Variants in TGFBR3 observed in about 807,000 individuals in gnomAD.
TGFBR3 encodes transforming growth factor beta receptor 3, also known as transforming growth factor beta receptor type 3.
A neutral mutation model predicts 87.9 loss-of-function variants in TGFBR3; 46 were observed. The ratio of observed to expected loss-of-function variants is 0.52; its 90% CI spans 0.41 to 0.67. The LOEUF is 0.67. Ranked by LOEUF, TGFBR3 falls within the 30% of genes least tolerant of loss-of-function variation. TGFBR3 has a pLI of 0.00. For synonymous variants in TGFBR3, 381 were observed against 391.6 expected (o/e 0.97, Z 0.32); for missense variants, 866 against 1,041.9 (o/e 0.83, Z 2.32).
chr1:91,706,796 C>A (rs1158142204), intron 14 of TGFBR3, among the ~76,000 whole-genome samples: 2 of 152,166 alleles, frequency 1.3e-5, no homozygotes, highest in African/African-American at 4.8e-5. Flanking sequence ...TTTCTGGTAA[C>A]AAAATCACTT....
intron 3 of TGFBR3, among the ~76,000 whole-genome samples, chr1:91,793,049 C>A (rs1401179058): frequency 6.6e-6 from 1 of 152,162 alleles, no homozygotes; most frequent in South Asian, 2.1e-4. Flanking sequence ...GTACTGAGGG[C>A]TTTTTATGTA....
At chr1:91,791,207 C>T (rs565181879) in intron 3 of TGFBR3, among the ~76,000 whole-genome samples, 2 of 151,812 alleles carry the variant, frequency 1.3e-5, no homozygotes, top group South Asian at 2.1e-4. Flanking sequence ...GGATACAAGA[C>T]GTAGTAAATT....
Position 91,680,593 on chromosome 1 carries a change from A to T in TGFBR3, c.*3146T>A, listed in dbSNP as rs1257087945. The T allele has an allele frequency of 2.2e-6, 1 of 454,058 alleles. No homozygotes were observed. Among genetic ancestry groups the T allele is most frequent in the East Asian group, 7.0e-5 (1 of 14,384 alleles). The allele number at this position is 454,058 out of a possible 1,614,324, so 28.1% of individuals were successfully genotyped here. The stretch of plus-strand genomic sequence containing the variant: ...GAAGAGAGAAGTATTGTATTTGGAA[A>T]CTGATAATAGTCCTTTTTAGAAAAA... On this transcript the variant is annotated 3_prime_UTR_variant, in exon 17 of 17. Coordinates refer to ENST00000212355, the MANE Select transcript of TGFBR3 (RefSeq NM_003243.5).
chr1:91,844,064 T>C lies in TGFBR3; in HGVS notation c.61+17407A>G, dbSNP rs375799539. Among the ~76,000 whole-genome samples, 5 of 152,354 alleles carry C rather than the reference T, an allele frequency of 3.3e-5. 1 individual carries two copies. Among genetic ancestry groups the C allele is most frequent in the Admixed American group, 6.5e-5 (1 of 15,310 alleles). On this transcript the variant is annotated intron_variant, in intron 2 of 16. Coordinates refer to ENST00000212355, the MANE Select transcript of TGFBR3 (RefSeq NM_003243.5). The stretch of plus-strand genomic sequence containing the variant: ...ACATCCAATCTTTGGGTTCCAAGAC[T>C]GCCTCTAACTCTGACATTTAGTCCA...
intron 2 of TGFBR3, among the ~76,000 whole-genome samples, chr1:91,834,062 T>C (rs1360184817): frequency 2.0e-5 from 3 of 152,230 alleles, no homozygotes; most frequent in African/African-American, 7.2e-5. Context: ...ATTTGGACAT[T>C]ATATACTGGA....
At chr1:91,787,766 G>A (rs1024891094) in intron 3 of TGFBR3, among the ~76,000 whole-genome samples, 1 of 152,014 alleles carries the variant, frequency 6.6e-6, no homozygotes, top group African/African-American at 2.4e-5. Context: ...CTTGAGCTCA[G>A]GAGTTTGAGA....
chr1:91,680,353 A>C lies in TGFBR3; in HGVS notation c.*3386T>G. On this transcript the variant is annotated 3_prime_UTR_variant, in exon 17 of 17. Transcript: ENST00000212355. Reference sequence around the variant, plus strand: ...ATAACAAGACACATATTAATAACTGATATATATCTTTTTATTATGCACAGA... The same window carrying C: ...ATAACAAGACACATATTAATAACTGCTATATATCTTTTTATTATGCACAGA... 3 of 435,508 alleles carry C rather than the reference A, an allele frequency of 6.9e-6. No homozygotes were observed. The highest frequency in any genetic ancestry group is 1.4e-5 in the Non-Finnish European group (3 of 220,820). The allele number at this position is 435,508 out of a possible 1,614,324, so 27.0% of individuals were successfully genotyped here. A position where few individuals can be genotyped will look rare whatever the true frequency, so the allele number is the denominator to read the frequency against.
intron 3 of TGFBR3, among the ~76,000 whole-genome samples, chr1:91,796,687 T>A (rs1025097692): frequency 6.6e-6 from 1 of 152,150 alleles, no homozygotes; most frequent in Non-Finnish European, 1.5e-5. Flanking sequence ...GGTACCTTAT[T>A]TGGTTTCTCA....
At chr1:91,799,976 C>T (rs1675538316) in intron 2 of TGFBR3, among the ~76,000 whole-genome samples, 1 of 152,014 alleles carries the variant, frequency 6.6e-6, no homozygotes, top group South Asian at 2.1e-4. Context: ...GGCAAACACC[C>T]TCTTTAAGGG....
intron 2 of TGFBR3, among the ~76,000 whole-genome samples, chr1:91,824,203 TA>T (rs1676550879): frequency 6.6e-6 from 1 of 152,028 alleles, no homozygotes; most frequent in African/African-American, 2.4e-5. Flanking sequence ...AAGTTGATTT[TA>T]AAAGAAAAAA....
At chr1:91,714,755 C>A (rs572592406) in intron 12 of TGFBR3, among the ~76,000 whole-genome samples, 4 of 152,246 alleles carry the variant, frequency 2.6e-5, no homozygotes, top group South Asian at 2.1e-4. Context: ...TGCTGTTGAC[C>A]AACTGCCCAT....
At chr1:91,707,503 A>G (rs917240206) in intron 14 of TGFBR3, among the ~76,000 whole-genome samples, 13 of 152,178 alleles carry the variant, frequency 8.5e-5, no homozygotes, top group Middle Eastern at 3.2e-3. Context: ...TGCTCAGATC[A>G]GGAATGCCAT....
At chr1:91,880,125 ATG>A (rs1679014971) in intron 1 of TGFBR3, among the ~76,000 whole-genome samples, 1 of 152,260 alleles carries the variant, frequency 6.6e-6, no homozygotes, top group African/African-American at 2.4e-5. Flanking sequence ...GCTCACTATT[ATG>A]TGTTTAAGGT....
Position 91,712,300 on chromosome 1 carries a change from T to C in TGFBR3, c.2109A>G (p.Leu703=), listed in dbSNP as rs1166393769. 3 of 1,614,196 alleles carry C rather than the reference T, an allele frequency of 1.9e-6. No individual in the cohort carries two copies. The highest frequency in any genetic ancestry group is 4.5e-5 in the East Asian group (2 of 44,870). ...KPVFNTSLLF[L]QCELTLCTKM... ...TCGTACACAGCGTCAGCTCACACTG[T>C]AGAAAGAGCAGTGAGGTGTTGAAGA... is the stretch of plus-strand genomic sequence containing the variant. The change falls in exon 13 of 17, where the codon CTA becomes CTG. Residue 703 remains leucine, a synonymous_variant. Coordinates refer to ENST00000212355, the MANE Select transcript of TGFBR3 (RefSeq NM_003243.5).
At chr1:91,764,256 G>A (rs565462416) in intron 3 of TGFBR3, among the ~76,000 whole-genome samples, 45 of 129,928 alleles carry the variant, frequency 3.5e-4, no homozygotes, top group African/African-American at 1.3e-3. Context: ...CCCCCAACAA[G>A]GACATGATTC....
At chr1:91,870,875 C>A (rs1254845906) in intron 1 of TGFBR3, among the ~76,000 whole-genome samples, 1 of 151,908 alleles carries the variant, frequency 6.6e-6, no homozygotes, top group African/African-American at 2.4e-5. Context: ...TAAATAAATA[C>A]AAACACAAAT....
At chr1:91,885,006 C>T (rs1268586538) in intron 1 of TGFBR3, among the ~76,000 whole-genome samples, 2 of 152,254 alleles carry the variant, frequency 1.3e-5, no homozygotes, top group Admixed American at 6.5e-5. Context: ...GCGCTAACCT[C>T]CGTGCGGTGC....
At chr1:91,810,876 GAA>G (rs1026982219) in intron 2 of TGFBR3, among the ~76,000 whole-genome samples, 2 of 150,548 alleles carry the variant, frequency 1.3e-5, no homozygotes, top group African/African-American at 4.9e-5. Flanking sequence ...ATGTGTTCTG[GAA>G]AAAAAAATGC....
intron 2 of TGFBR3, among the ~76,000 whole-genome samples, chr1:91,833,544 G>A (rs1676942241): frequency 6.6e-6 from 1 of 150,930 alleles, no homozygotes; most frequent in African/African-American, 2.4e-5. Flanking sequence ...GAGACAGGTG[G>A]ATCATTTGAG....
Sources: gnomAD v4.1 joint callset for allele counts (sites outside exome capture counted in the v4.1 genomes callset) on GRCh38, gnomAD v4.1.1 for gene constraint, MANE v1.5 for transcripts, NCBI Gene and HGNC (gene_info 2026-07-23, HGNC 2026-07-21) for gene names.